The following LARP1B variants were observed in gnomAD, a reference collection of about 807,000 sequenced individuals.
The protein encoded by LARP1B is La ribonucleoprotein 1B.
LARP1B carries 76 observed loss-of-function variants against 114.2 expected under a neutral mutation model. The observed-to-expected ratio is 0.67, with a 90% CI of 0.55 to 0.81. The LOEUF (loss-of-function observed/expected upper bound fraction) is 0.81, where lower values mean the gene tolerates loss of function less well. Among genes scored for constraint, LARP1B ranks in the 30% least tolerant of loss-of-function variants. LARP1B has a pLI of 0.00. For synonymous variants in LARP1B, 345 were observed against 348.0 expected (o/e 0.99, Z 0.10); for missense variants, 1,014 against 1,075.8 (o/e 0.94, Z 0.80).
At chr4:128,136,150 G>T (rs1725149748) in intron 11 of LARP1B, among the ~76,000 whole-genome samples, 1 of 151,748 alleles carries the variant, frequency 6.6e-6, no homozygotes, top group South Asian at 2.1e-4. Flanking sequence ...AAAATTAGCT[G>T]GGTGTGGTGG....
rs529677121 is a variant in LARP1B at position 128,169,008 on chromosome 4, T to A, written c.1648+6691T>A. ...GAAACATAAGACTAAGTAAGTCTTTTTTCTCAGGTGAGCTTTTGTACCTAT... is the reference window on the plus strand; with the variant it reads ...GAAACATAAGACTAAGTAAGTCTTTATTCTCAGGTGAGCTTTTGTACCTAT... On this transcript the variant is annotated intron_variant, in intron 12 of 19. Transcript: ENST00000326639. 3.6e-4 allele frequency among the ~76,000 whole-genome samples: 55 copies of A among 152,286 alleles called. 1 individual carries two copies. The South Asian group carries it at 0.011, about 30-fold the overall frequency.
intron 19 of LARP1B, among the ~76,000 whole-genome samples, chr4:128,208,238 G>T (rs994812052): frequency 2.7e-5 from 4 of 150,528 alleles, no homozygotes; most frequent in African/African-American, 9.8e-5. Flanking sequence ...TGAGGCACAA[G>T]AATTGCTTGA....
chr4:128,162,544 C>G (rs191511632), intron 12 of LARP1B, among the ~76,000 whole-genome samples: 90 of 152,158 alleles, frequency 5.9e-4, no homozygotes, highest in African/African-American at 2.0e-3. Flanking sequence ...TTTGTTGGTT[C>G]TTTATGTATC....
chr4:128,208,890 T>C (rs1324509921), intron 19 of LARP1B, among the ~76,000 whole-genome samples: 4 of 152,230 alleles, frequency 2.6e-5, no homozygotes, highest in Non-Finnish European at 5.9e-5. Flanking sequence ...TGGCATCTCT[T>C]TTATTCCCCT....
intron 11 of LARP1B, 115 bp from the exon 12 acceptor site, chr4:128,162,078 TC>T: frequency 3.5e-6 from 3 of 856,788 alleles, no homozygotes; most frequent in Non-Finnish European, 5.4e-6. Flanking sequence ...TCTTTTTCAC[TC>T]CATTGTAATT....
intron 9 of LARP1B, among the ~76,000 whole-genome samples, chr4:128,110,663 C>T (rs1317742670): frequency 4.2e-5 from 2 of 47,282 alleles, no homozygotes; most frequent in Non-Finnish European, 7.2e-5. Context: ...GGCGACAGAG[C>T]GAGACTCCGT....
intron 8 of LARP1B, among the ~76,000 whole-genome samples, chr4:128,101,668 T>C (rs1271829786): frequency 6.6e-6 from 1 of 151,930 alleles, no homozygotes; most frequent in African/African-American, 2.4e-5. Context: ...TTAGTAGAGA[T>C]GGAGTTTCAC....
Position 128,157,031 on chromosome 4 carries a change from A to G in LARP1B, c.1525-5163A>G, listed in dbSNP as rs138574889. Among the ~76,000 whole-genome samples the G allele has an allele frequency of 2.6e-3, 398 of 152,174 alleles. 4 individuals are homozygous for G. Among genetic ancestry groups the G allele is most frequent in the African/African-American group, 9.0e-3 (373 of 41,548 alleles). On this transcript the variant is annotated intron_variant, in intron 11 of 19. Transcript: ENST00000326639. ...AAAAAATAATTAGGAATATTAGAAG[A>G]CAATATGATATGATAGAAAAAAAAC...
chr4:128,113,569 C>A (rs559312921), intron 9 of LARP1B, among the ~76,000 whole-genome samples: 4 of 151,636 alleles, frequency 2.6e-5, no homozygotes, highest in Admixed American at 2.6e-4. Flanking sequence ...TCTTGAACTC[C>A]TGACCTTGTG....
intron 5 of LARP1B, among the ~76,000 whole-genome samples, chr4:128,085,858 T>C (rs1773266241): frequency 6.6e-6 from 1 of 152,226 alleles, no homozygotes; most frequent in African/African-American, 2.4e-5. Flanking sequence ...ATTGGTCATA[T>C]AGTAGCTGTA....
intron 12 of LARP1B, among the ~76,000 whole-genome samples, chr4:128,172,619 G>T (rs1049148621): frequency 6.6e-5 from 10 of 152,110 alleles, no homozygotes; most frequent in Admixed American, 6.5e-4. Context: ...CTTGAACCCG[G>T]GAGGTAGAGG....
intron 7 of LARP1B, chr4:128,092,695 C>T (rs1776327876): frequency 3.5e-6 from 3 of 854,796 alleles, no homozygotes; most frequent in Admixed American, 6.2e-5. Flanking sequence ...CAGGCACCTT[C>T]CTGGGTTGCC....
intron 11 of LARP1B, among the ~76,000 whole-genome samples, chr4:128,137,777 ATATATATATATATATTTTTTTT>A (rs1726042677): frequency 1.3e-5 from 1 of 78,508 alleles, no homozygotes; most frequent in Non-Finnish European, 2.7e-5. Flanking sequence ...ATACATATAT[ATATATATATATATATTTTTTTT>A]TTAGGGGGGT....
chr4:128,065,336 C>CTTTCTTTTCT (rs70966072), intron 1 of LARP1B, among the ~76,000 whole-genome samples: 1,233 of 107,798 alleles, frequency 0.011, 29 homozygotes, highest in African/African-American at 0.021. Context: ...TCTCTCTTTC[C>CTTTCTTTTCT]TTTCTTTTCT....
intron 11 of LARP1B, chr4:128,155,710 C>A (rs772999541): frequency 2.6e-5 from 42 of 1,607,140 alleles, no homozygotes; most frequent in Non-Finnish European, 3.5e-5. Flanking sequence ...AGAGGAGCGC[C>A]GCCGAGTAAG....
intron 19 of LARP1B, among the ~76,000 whole-genome samples, chr4:128,209,510 CAT>C (rs1205998075): frequency 6.6e-6 from 1 of 151,980 alleles, no homozygotes; most frequent in Non-Finnish European, 1.5e-5. Flanking sequence ...AAACCACAAA[CAT>C]ATGTTGAGTA....
intron 17 of LARP1B, among the ~76,000 whole-genome samples, chr4:128,202,901 T>C (rs1438966317): frequency 6.6e-6 from 1 of 152,114 alleles, no homozygotes; most frequent in Non-Finnish European, 1.5e-5. Context: ...TTAGGTTCTT[T>C]ATAAAAAGTA....
In LARP1B at chr4:128,176,908, G is replaced by A. The variant is rs1478348196; in HGVS notation, c.1684+1G>A. Reference sequence around the variant, plus strand: ...GGAGTGCTTCACATTCCCAAGAAAGGTAACATCTGTGGTGGGTATTAAAGG... The same window carrying A: ...GGAGTGCTTCACATTCCCAAGAAAGATAACATCTGTGGTGGGTATTAAAGG... On this transcript the variant is annotated splice_donor_variant, in intron 13 of 19. Transcript: ENST00000326639. LOFTEE classifies it high-confidence loss of function. The A allele has an allele frequency of 1.2e-6, 2 of 1,613,682 alleles. No individual in the cohort carries two copies. The highest frequency in any genetic ancestry group is 1.3e-5 in the African/African-American group (1 of 75,040).
intron 8 of LARP1B, among the ~76,000 whole-genome samples, chr4:128,103,448 C>T (rs1006015168): frequency 6.6e-6 from 1 of 151,846 alleles, no homozygotes; most frequent in Non-Finnish European, 1.5e-5. Flanking sequence ...AATTACCTGC[C>T]TTGGTAGTGG....
Sources: allele counts gnomAD v4.1 joint callset (sites outside exome capture counted in the v4.1 genomes callset), GRCh38; gene constraint gnomAD v4.1.1; transcripts MANE v1.5; gene names NCBI Gene and HGNC (gene_info 2026-07-23, HGNC 2026-07-21).